CBFA2T3: variants seen among roughly 807,000 people sequenced by gnomAD.
The protein encoded by CBFA2T3 is transcriptional corepressor CBFA2T3.
A neutral mutation model predicts 58.6 loss-of-function variants in CBFA2T3; 31 were observed. The observed-to-expected ratio is 0.53, with a 90% CI of 0.40 to 0.71. CBFA2T3 has a LOEUF of 0.71. Among genes scored for constraint, CBFA2T3 ranks in the 30% least tolerant of loss-of-function variants. The pLI is 0.00. For missense variants in CBFA2T3, 1,076 were observed against 963.1 expected (o/e 1.12, Z -1.55); for synonymous variants, 531 against 421.9 (o/e 1.26, Z -3.17).
chr16:88,976,119 C>T (rs1327241479), intron 1 of CBFA2T3, among the ~76,000 whole-genome samples: 2 of 152,218 alleles, frequency 1.3e-5, no homozygotes, highest in Non-Finnish European at 2.9e-5. Flanking sequence ...CCCAGAAGGG[C>T]AGGCCCAGGT....
intron 1 of CBFA2T3, among the ~76,000 whole-genome samples, chr16:88,963,556 C>G (rs1036031555): frequency 1.3e-5 from 2 of 152,158 alleles, no homozygotes; most frequent in African/African-American, 4.8e-5. Context: ...CACACCCTCC[C>G]CATGGTGACC....
At chr16:88,883,481 A>C (rs1005269009) in intron 7 of CBFA2T3, 3 of 152,596 alleles carry the variant, frequency 2.0e-5, no homozygotes, top group Non-Finnish European at 4.4e-5. Flanking sequence ...ACTCTGTTCA[A>C]TACAGCGTGT....
intron 1 of CBFA2T3, among the ~76,000 whole-genome samples, chr16:88,962,237 G>A (rs1567636824): frequency 6.6e-6 from 1 of 152,196 alleles, no homozygotes; most frequent in African/African-American, 2.4e-5. Context: ...CATAGTAACT[G>A]ACACTCAGCA....
At chr16:88,969,135 T>C (rs1972585600) in intron 1 of CBFA2T3, among the ~76,000 whole-genome samples, 4 of 152,200 alleles carry the variant, frequency 2.6e-5, no homozygotes, top group Admixed American at 2.6e-4. Context: ...GGCTGCAGCC[T>C]GGCCCGGATG....
chr16:88,899,097 T>G (rs531108635), intron 2 of CBFA2T3, among the ~76,000 whole-genome samples: 1 of 117,846 alleles, frequency 8.5e-6, no homozygotes, highest in South Asian at 3.1e-4. Context: ...GCACCGCAGC[T>G]TCAACTCCAA....
At chr16:88,910,646 C>A (rs942999985) in intron 1 of CBFA2T3, among the ~76,000 whole-genome samples, 1 of 152,206 alleles carries the variant, frequency 6.6e-6, no homozygotes, top group African/African-American at 2.4e-5. Context: ...GCCCTCGCAG[C>A]GGGGTCTCTG....
chr16:88,940,941 G>C, intron 1 of CBFA2T3: 2 of 737,920 alleles, frequency 2.7e-6, no homozygotes, highest in Non-Finnish European at 3.3e-6. Context: ...GCGCGGCTGC[G>C]GCGCAGATCC....
At chr16:88,901,960 A>G (rs1970116041) in intron 1 of CBFA2T3, among the ~76,000 whole-genome samples, 1 of 152,204 alleles carries the variant, frequency 6.6e-6, no homozygotes, top group Admixed American at 6.5e-5. Flanking sequence ...TCTACAGACC[A>G]GGGAGTGGGC....
rs576137946 is a variant in CBFA2T3 at position 88,885,985 on chromosome 16, T to C, written c.869A>G (p.Asn290Ser). The stretch of plus-strand genomic sequence containing the variant: ...CCTGTCGGGCGTCCTCCTCTTGCCG[T>C]TCTCGTTGACTTCCAGTAGCAGCTC... ...SSELLLEVNE[N>S]GKRRTPDRTK... The change falls in exon 6 of 12, where the codon AAC (asparagine) becomes AGC (serine). Residue 290 changes from asparagine (N) to serine (S), a missense_variant. Transcript: ENST00000268679. The surrounding 1 kb of genome is among the most constrained non-coding windows in gnomAD (Gnocchi z 5.3). 1.9e-6 allele frequency: 3 copies of C among 1,552,270 alleles called. No homozygotes were observed. The highest frequency in any genetic ancestry group is 2.6e-6 in the Non-Finnish European group (3 of 1,148,656).
At chr16:88,940,921 C>T in intron 1 of CBFA2T3, 1 of 583,728 alleles carries the variant, frequency 1.7e-6, no homozygotes, top group Non-Finnish European at 2.2e-6. Context: ...GAAAACGGCC[C>T]GTGCGCTCGG....
At chr16:88,946,925 T>G (rs1325403881) in intron 1 of CBFA2T3, among the ~76,000 whole-genome samples, 1 of 152,226 alleles carries the variant, frequency 6.6e-6, no homozygotes, top group Non-Finnish European at 1.5e-5. Context: ...ATTGTATTTA[T>G]TTTTTGTAGA....
intron 1 of CBFA2T3, among the ~76,000 whole-genome samples, chr16:88,976,170 G>A (rs577627596): frequency 7.9e-5 from 12 of 152,290 alleles, no homozygotes; most frequent in South Asian, 6.2e-4. Flanking sequence ...ATCGTTCCTC[G>A]GACAGGGGCC....
At chr16:88,888,254 G>A (rs1049685002) in intron 5 of CBFA2T3, among the ~76,000 whole-genome samples, 5 of 150,944 alleles carry the variant, frequency 3.3e-5, no homozygotes, top group African/African-American at 1.2e-4. Context: ...ATGTCTTCAA[G>A]GACTGCGTGA....
chr16:88,941,599 GCGGGGAGGGGGCGA>G (rs1971735407), intron 1 of CBFA2T3, among the ~76,000 whole-genome samples: 1 of 147,738 alleles, frequency 6.8e-6, no homozygotes, highest in Non-Finnish European at 1.5e-5. Flanking sequence ...GGAGAGGGGC[GCGGGGAGGGGGCGA>G]CGGGCGCGCC....
At chr16:88,893,096 C>T (rs954463224) in intron 3 of CBFA2T3, among the ~76,000 whole-genome samples, 5 of 152,110 alleles carry the variant, frequency 3.3e-5, no homozygotes, top group East Asian at 1.9e-4. Context: ...GCTCATCCCC[C>T]GAAAGGCCAG....
intron 8 of CBFA2T3, 72 bp downstream of exon 8, chr16:88,882,604 G>A (rs373834347): frequency 2.2e-6 from 2 of 903,268 alleles, no homozygotes; most frequent in South Asian, 1.4e-5. Flanking sequence ...GGCTGTGTGT[G>A]CGTGGCTGTG....
intron 1 of CBFA2T3, among the ~76,000 whole-genome samples, chr16:88,975,956 C>T (rs933409518): frequency 1.3e-5 from 2 of 152,244 alleles, no homozygotes; most frequent in Non-Finnish European, 2.9e-5. Flanking sequence ...GGGAGTGTGG[C>T]CACGAGGGCC....
At chr16:88,887,831 G>T (rs1482467997) in intron 5 of CBFA2T3, among the ~76,000 whole-genome samples, 1 of 152,160 alleles carries the variant, frequency 6.6e-6, no homozygotes, top group African/African-American at 2.4e-5. Context: ...TTCTGAAGCT[G>T]CCCTCTGCAC....
intron 1 of CBFA2T3, among the ~76,000 whole-genome samples, chr16:88,925,076 G>C (rs148430900): frequency 0.017 from 2,620 of 152,352 alleles, 81 homozygotes; most frequent in African/African-American, 0.06. Context: ...AGTGGAGAGA[G>C]AGGGACCCGC....
Sources: gnomAD v4.1 joint callset for allele counts (sites outside exome capture counted in the v4.1 genomes callset) on GRCh38, gnomAD v4.1.1 for gene constraint, Gnocchi (gnomAD v3.1) non-coding constraint, MANE v1.5 for transcripts, NCBI Gene and HGNC (gene_info 2026-07-23, HGNC 2026-07-21) for gene names.